The following TMED1 variants were observed in gnomAD, a reference collection of about 807,000 sequenced individuals.
The protein encoded by TMED1 is transmembrane emp24 domain-containing protein 1.
A neutral mutation model predicts 21.2 loss-of-function variants in TMED1; 20 were observed. The observed-to-expected ratio is 0.95, with a 90% confidence interval of 0.67 to 1.37. The LOEUF (loss-of-function observed/expected upper bound fraction) is 1.37, where lower values mean the gene tolerates loss of function less well. TMED1 is among the 40% of genes most tolerant of loss of function. The pLI, the probability that TMED1 is intolerant of heterozygous loss-of-function variation, is 0.00. For missense variants in TMED1, 316 were observed against 309.8 expected, an observed-to-expected ratio of 1.02 and a Z score of -0.15; for synonymous variants, 149 against 134.7, an observed-to-expected ratio of 1.11 and a Z score of -0.74.
intron 3 of TMED1, 137 bp downstream of exon 3, chr19:10,834,797 T>C (rs1200675794): frequency 1.8e-6 from 2 of 1,088,674 alleles, no homozygotes; most frequent in African/African-American, 1.6e-5. Flanking sequence ...GAACTACTTA[T>C]TTTAAGAGCT....
At chr19:10,835,980 TG>T in intron 1 of TMED1, 28 bp downstream of exon 1, 1 of 1,549,402 alleles carries the variant, frequency 6.5e-7, no homozygotes. Flanking sequence ...TCCCTGACTC[TG>T]CTGGCCGCCC....
intron 1 of TMED1, 39 bp from the exon 2 acceptor site, chr19:10,835,392 G>C (rs761402494): frequency 1.6e-5 from 25 of 1,610,384 alleles, no homozygotes; most frequent in Non-Finnish European, 2.0e-5. Context: ...GCTAGCGGTA[G>C]GCCAAGGGCG....
At chr19:10,835,604 T>C in intron 1 of TMED1, 1 of 1,412,252 alleles carries the variant, frequency 7.1e-7, no homozygotes, top group Non-Finnish European at 9.2e-7. Flanking sequence ...GACGTTTACC[T>C]GACCACGCCC....
At position 10,832,266 on chromosome 19, in the gene TMED1, C is replaced by T. The variant is rs182904790; in HGVS notation, c.*729G>A. The T allele has an allele frequency of 3.8e-4, 484 of 1,289,152 alleles. No individual in the cohort carries two copies. In the Middle Eastern group the frequency reaches 3.8e-3, roughly 10 times the overall value. 79.9% of individuals were successfully genotyped at this position (1,289,152 alleles called of 1,614,324 possible). A position where few individuals can be genotyped will look rare whatever the true frequency, so the allele number is the denominator to read the frequency against. ...CAAGCCTCGTGGCCCAACTGGGGCT[C>T]AGTTAAACTTTGCTTTCTGATTTTT... On this transcript the variant is annotated 3_prime_UTR_variant, in exon 4 of 4. Coordinates refer to ENST00000214869, the MANE Select transcript of TMED1 (RefSeq NM_006858.4).
At chr19:10,835,886 C>T in intron 1 of TMED1, 123 bp downstream of exon 1, 1 of 1,433,532 alleles carries the variant, frequency 7.0e-7, no homozygotes, top group Non-Finnish European at 9.1e-7. Context: ...CTCTTTCTAG[C>T]TCCGCCCCCG....
rs754975185 is a variant in TMED1, at chr19:10,833,265, G to A, written c.466-52C>T. ...CAGGCCTCCCTCCACCCATCAGGGAGCAGAGACCAAAAAAACCGGGGGATA... is the reference window on the plus strand; with the variant it reads ...CAGGCCTCCCTCCACCCATCAGGGAACAGAGACCAAAAAAACCGGGGGATA... On this transcript the variant is annotated intron_variant, in intron 3 of 3. Coordinates refer to ENST00000214869, the MANE Select transcript of TMED1 (RefSeq NM_006858.4). The A allele has an allele frequency of 5.9e-6, 9 of 1,514,332 alleles. No individual in the cohort carries two copies. In the South Asian group the frequency reaches 8.2e-5, roughly 14 times the overall value. The allele number at this position is 1,514,332 out of a possible 1,614,324, so 93.8% of individuals were successfully genotyped here. A position where few individuals can be genotyped will look rare whatever the true frequency, so the allele number is the denominator to read the frequency against.
chr19:10,835,947 C>A, intron 1 of TMED1, 62 bp downstream of exon 1: 2 of 1,499,272 alleles, frequency 1.3e-6, no homozygotes, highest in South Asian at 1.3e-5. Context: ...CGCCTCGCCT[C>A]GACCGCTTGG....
chr19:10,835,415 G>A (rs1340313835), intron 1 of TMED1, 62 bp from the exon 2 acceptor site: 4 of 1,598,926 alleles, frequency 2.5e-6, no homozygotes, highest in Non-Finnish European at 3.4e-6. Flanking sequence ...TGCCGAAGAG[G>A]GCTACGGCTG....
Position 10,832,174 on chromosome 19 carries a change from C to A in TMED1, c.*821G>T. ...CAGGCCTGGCTGCTGCCTGGTGAAG[C>A]GGGGACCCCAGCGCTCCACCCCCTT... On this transcript the variant is annotated 3_prime_UTR_variant, in exon 4 of 4. Coordinates refer to ENST00000214869, the MANE Select transcript of TMED1 (RefSeq NM_006858.4). The A allele has an allele frequency of 2.6e-6, 2 of 784,006 alleles. No homozygotes were observed. Among genetic ancestry groups the A allele is most frequent in the South Asian group, 1.5e-5 (1 of 66,550 alleles). The allele number at this position is 784,006 out of a possible 1,614,324, so 48.6% of individuals were successfully genotyped here. A position where few individuals can be genotyped will look rare whatever the true frequency, so the allele number is the denominator to read the frequency against.
At chr19:10,835,496 T>G in intron 1 of TMED1, 143 bp from the exon 2 acceptor site, 1 of 1,480,400 alleles carries the variant, frequency 6.8e-7, no homozygotes, top group Non-Finnish European at 9.0e-7. Context: ...CGCCCCAACC[T>G]GTCCCAGTGG....
Position 10,832,367 on chromosome 19 carries a change from C to G in TMED1, c.*628G>C. On this transcript the variant is annotated 3_prime_UTR_variant, in exon 4 of 4. Transcript: ENST00000214869. ...GAGCTTCGTGGGAGGCCCCTCCCAC[C>G]TGTCTGGCTGCCCCCTCGGGGGCCG... The G allele has an allele frequency of 7.8e-7, 1 of 1,289,874 alleles. No homozygotes were observed. The highest frequency in any genetic ancestry group is 1.0e-6 in the Non-Finnish European group (1 of 988,900). 79.9% of individuals were successfully genotyped at this position (1,289,874 alleles called of 1,614,324 possible). A position where few individuals can be genotyped will look rare whatever the true frequency, so the allele number is the denominator to read the frequency against.
Position 10,835,993 on chromosome 19 carries a change from G to A in TMED1, c.183+16C>T. On this transcript the variant is annotated intron_variant, in intron 1 of 3. Coordinates refer to ENST00000214869, the MANE Select transcript of TMED1 (RefSeq NM_006858.4). ...TCTCCCTGACTCTGCTGGCCGCCCA[G>A]CCCGCGACCCTCTACCTGGTATTCG... The A allele has an allele frequency of 1.3e-6, 2 of 1,564,672 alleles. No individual in the cohort carries two copies. Among genetic ancestry groups the A allele is most frequent in the Non-Finnish European group, 1.7e-6 (2 of 1,155,260 alleles).
intron 3 of TMED1, among the ~76,000 whole-genome samples, chr19:10,834,628 C>T (rs1217038519): frequency 2.6e-5 from 4 of 151,856 alleles, no homozygotes; most frequent in Non-Finnish European, 4.4e-5. Flanking sequence ...TACAGACGCC[C>T]GCCACCACAC....
Position 10,835,585 on chromosome 19 carries a change from T to G in TMED1, c.184-232A>C, listed in dbSNP as rs1036199405. On this transcript the variant is annotated intron_variant, in intron 1 of 3. Transcript: ENST00000214869. ...CAGCTGACCACGCACCTACCAAAAG[T>G]ACTTAATGGACGTTTACCTGACCAC... 1.5e-5 allele frequency: 21 copies of G among 1,419,476 alleles called. No homozygotes were observed. The East Asian group carries it at 5.4e-4, about 37-fold the overall frequency. The allele number at this position is 1,419,476 out of a possible 1,614,324, so 87.9% of individuals were successfully genotyped here. A position where few individuals can be genotyped will look rare whatever the true frequency, so the allele number is the denominator to read the frequency against.
chr19:10,835,111 C>T lies in TMED1; in HGVS notation c.288G>A (p.Glu96=), dbSNP rs141676003. 4.3e-6 allele frequency: 7 copies of T among 1,613,628 alleles called. No individual in the cohort carries two copies. The highest frequency in any genetic ancestry group is 5.9e-6 in the Non-Finnish European group (7 of 1,179,696). Reference sequence around the variant, plus strand: ...GCTTGTAGTCCCCGGCCTCCGTTGGCTCCACCCTGGGCAGACAGACACACA... The same window carrying T: ...GCTTGTAGTCCCCGGCCTCCGTTGGTTCCACCCTGGGCAGACAGACACACA... ...SRKADGVHTV[E]PTEAGDYKLC... is the part of the protein sequence containing the mutation. The change falls in exon 3 of 4, where the codon GAG becomes GAA. Residue 96 remains glutamate, a synonymous_variant. Transcript: ENST00000214869.
At chr19:10,834,879 C>A in intron 3 of TMED1, 55 bp downstream of exon 3, 1 of 1,579,962 alleles carries the variant, frequency 6.3e-7, no homozygotes, top group South Asian at 1.2e-5. Flanking sequence ...AGGGGGGCAC[C>A]CCAGGTGAAT....
In TMED1 at chr19:10,832,385, G is replaced by A. The variant is rs1013406176; in HGVS notation, c.*610C>T. The A allele has an allele frequency of 1.6e-5, 21 of 1,288,218 alleles. No individual in the cohort carries two copies. In the East Asian group the frequency reaches 2.2e-4, roughly 14 times the overall value. 79.8% of individuals were successfully genotyped at this position (1,288,218 alleles called of 1,614,324 possible). On this transcript the variant is annotated 3_prime_UTR_variant, in exon 4 of 4. Coordinates refer to ENST00000214869, the MANE Select transcript of TMED1 (RefSeq NM_006858.4). ...CTCCCACCTGTCTGGCTGCCCCCTC[G>A]GGGGCCGGTCTGTCCTGGCTGGTGT...
intron 3 of TMED1, 110 bp from the exon 4 acceptor site, chr19:10,833,323 A>C: frequency 1.2e-6 from 1 of 862,744 alleles, no homozygotes; most frequent in South Asian, 1.6e-5. Flanking sequence ...TGGGAGGTAC[A>C]GCTGCAAACA....
rs566977806 is a variant in TMED1, at chr19:10,833,886, A to T, written c.466-673T>A. Among the ~76,000 whole-genome samples, 16 of 152,164 alleles carry T rather than the reference A, an allele frequency of 1.1e-4. No individual in the cohort carries two copies. In the South Asian group the frequency reaches 3.3e-3, roughly 32 times the overall value. On this transcript the variant is annotated intron_variant, in intron 3 of 3. Coordinates refer to ENST00000214869, the MANE Select transcript of TMED1 (RefSeq NM_006858.4). ...ACTCCAGCCTGAGTGACACAGCAAG[A>T]CCTTGCCTCGCCGTAGCTCACACCT...
Sources: gnomAD v4.1 joint callset for allele counts (sites outside exome capture counted in the v4.1 genomes callset) on GRCh38, gnomAD v4.1.1 for gene constraint, MANE v1.5 for transcripts, NCBI Gene and HGNC (gene_info 2026-07-23, HGNC 2026-07-21) for gene names.